Variants in ZNF235 observed in about 807,000 individuals in gnomAD.
ZNF235 encodes zinc finger protein 235, also known as zfp-93.
Under a neutral mutation model 29.4 loss-of-function variants are expected in ZNF235, and 25 were observed. That is an observed-to-expected ratio of 0.85 (90% CI 0.62 to 1.19). The LOEUF is 1.19. Ranked by LOEUF, ZNF235 falls within the 50% of genes most tolerant of loss-of-function variation. ZNF235 has a pLI of 0.00. For missense variants in ZNF235, 788 were observed against 885.0 expected (o/e 0.89, Z 1.39); for synonymous variants, 300 against 295.3 (o/e 1.02, Z -0.16).
chr19:44,289,006 C>T lies in ZNF235; in HGVS notation c.429G>A (p.Val143=), dbSNP rs1265799904. 6.2e-7 allele frequency: 1 copy of T among 1,614,124 alleles called. No homozygotes were observed. Among genetic ancestry groups the T allele is most frequent in the East Asian group, 2.2e-5 (1 of 44,876 alleles). The change falls in exon 5 of 5, where the codon GTG becomes GTA. Residue 143 remains valine (V), a synonymous_variant. Coordinates refer to ENST00000291182, the MANE Select transcript of ZNF235 (RefSeq NM_004234.4). ...FPKHHDSPCQ[V]GAGESIQASV... is the part of the protein sequence containing the mutation. Reference sequence around the variant, plus strand: ...AAGCTTGAATAGATTCTCCTGCTCCCACTTGACAGGGGGAATCATGGTGCT... The same window carrying T: ...AAGCTTGAATAGATTCTCCTGCTCCTACTTGACAGGGGGAATCATGGTGCT...
In ZNF235 at chr19:44,304,792, G is replaced by C. The variant is rs142133384; in HGVS notation, c.-49+179C>G. The C allele has an allele frequency of 1.4e-3, 1,372 of 985,452 alleles. 40 individuals carry two copies. In the Admixed American group the frequency reaches 0.053, roughly 38 times the overall value. 61.0% of individuals were successfully genotyped at this position (985,452 alleles called of 1,614,324 possible). On this transcript the variant is annotated intron_variant, in intron 1 of 4. Coordinates refer to ENST00000291182, the MANE Select transcript of ZNF235 (RefSeq NM_004234.4). ...GACCCTCAACCTCGAAGGACGACGCGAGCCCGCCTCCCACGCAAGAGGTTC... is the reference window on the plus strand; with the variant it reads ...GACCCTCAACCTCGAAGGACGACGCCAGCCCGCCTCCCACGCAAGAGGTTC...
chr19:44,300,529 C>T (rs1342432406), intron 2 of ZNF235, among the ~76,000 whole-genome samples: 5 of 151,986 alleles, frequency 3.3e-5, no homozygotes, highest in Admixed American at 2.6e-4. Context: ...TTAGCCAGCT[C>T]GTATGGTTAT....
In ZNF235 at chr19:44,302,997, TAC is replaced by T. The variant is rs563316274; in HGVS notation, c.15+391_15+392del. Among the ~76,000 whole-genome samples the T allele has an allele frequency of 1.9e-3, 247 of 133,012 alleles. 2 individuals are homozygous for T. The highest frequency in any genetic ancestry group is 1.7e-3 in the Non-Finnish European group (109 of 65,118). The allele number at this position is 133,012 out of a possible 152,430, so 87.3% of individuals were successfully genotyped here. ...ATGTATATATTTATATATAAATATA[TAC>T]ATATATACGTATATATTTATATAAA... On this transcript the variant is annotated intron_variant, in intron 2 of 4. Coordinates refer to ENST00000291182, the MANE Select transcript of ZNF235 (RefSeq NM_004234.4).
intron 2 of ZNF235, 56 bp from the exon 3 acceptor site, chr19:44,299,788 A>G: frequency 1.2e-6 from 2 of 1,611,442 alleles, no homozygotes; most frequent in Non-Finnish European, 1.7e-6. Flanking sequence ...ACTGGCACCT[A>G]AGCAACTCTT....
At chr19:44,302,783 TAA>T (rs1018450783) in intron 2 of ZNF235, among the ~76,000 whole-genome samples, 2 of 131,022 alleles carry the variant, frequency 1.5e-5, no homozygotes, top group South Asian at 2.4e-4. Context: ...TATATATATA[TAA>T]AACTATATAC....
chr19:44,292,381 T>A (rs1208658410), intron 4 of ZNF235, among the ~76,000 whole-genome samples: 1 of 151,734 alleles, frequency 6.6e-6, no homozygotes, highest in Admixed American at 6.6e-5. Flanking sequence ...GAGATAGGTA[T>A]CTTTTTTTTA....
intron 4 of ZNF235, among the ~76,000 whole-genome samples, chr19:44,292,008 G>A (rs941054495): frequency 6.6e-6 from 1 of 152,032 alleles, no homozygotes; most frequent in Non-Finnish European, 1.5e-5. Flanking sequence ...TTAACAAAAT[G>A]TGATCAAATC....
intron 4 of ZNF235, among the ~76,000 whole-genome samples, chr19:44,296,258 A>G (rs16978908): frequency 0.029 from 4,406 of 152,304 alleles, 192 homozygotes; most frequent in African/African-American, 0.1. Flanking sequence ...CAGAAAGTTG[A>G]TAACTGCTAA....
intron 2 of ZNF235, among the ~76,000 whole-genome samples, chr19:44,302,826 A>G (rs1328291961): frequency 7.0e-6 from 1 of 141,880 alleles, no homozygotes; most frequent in Non-Finnish European, 1.5e-5. Context: ...ACTTATATAT[A>G]TATAACTATA....
At chr19:44,291,892 C>T in intron 4 of ZNF235, among the ~76,000 whole-genome samples, 1 of 152,110 alleles carries the variant, frequency 6.6e-6, no homozygotes, top group Admixed American at 6.5e-5. Context: ...TACTTCTCAA[C>T]ACATTTTAGG....
In ZNF235 at chr19:44,304,625, C is replaced by A. The variant is rs1365771193; in HGVS notation, c.-49+346G>T. 4.2e-6 allele frequency: 3 copies of A among 722,234 alleles called. No homozygotes were observed. In the East Asian group the frequency reaches 3.9e-4, roughly 95 times the overall value. The allele number at this position is 722,234 out of a possible 1,614,324, so 44.7% of individuals were successfully genotyped here. A position where few individuals can be genotyped will look rare whatever the true frequency, so the allele number is the denominator to read the frequency against. ...TCTATAAAACCTCATTTAATTCTCA[C>A]AAGAACATCACTGGGAACGCACTAA... On this transcript the variant is annotated intron_variant, in intron 1 of 4. Coordinates refer to ENST00000291182, the MANE Select transcript of ZNF235 (RefSeq NM_004234.4).
rs199785876 is a variant in ZNF235 at position 44,289,077 on chromosome 19, G to C, written c.358C>G (p.Gln120Glu). 5.5e-5 allele frequency: 89 copies of C among 1,614,064 alleles called. No homozygotes were observed. The East Asian group carries it at 1.7e-3, about 31-fold the overall frequency. ...RHIASKLARS[Q>E]DSMINIEGKS... ...CCTTCAATATTTATCATGGAGTCTT[G>C]ACTTCTGGCTAATTTGCTCGCAATG... The change falls in exon 5 of 5, where the codon CAA becomes GAA. Residue 120 changes from glutamine to glutamate, a missense_variant. Transcript: ENST00000291182.
At chr19:44,299,573 C>A in intron 3 of ZNF235, 33 bp downstream of exon 3, 1 of 1,611,388 alleles carries the variant, frequency 6.2e-7, no homozygotes, top group South Asian at 1.1e-5. Flanking sequence ...GGTTGAGAAA[C>A]CCTGCTGAAT....
intron 4 of ZNF235, chr19:44,289,719 A>G (rs924107780): frequency 6.6e-6 from 1 of 152,358 alleles, no homozygotes; most frequent in African/African-American, 2.4e-5. Context: ...GTACTTAGAA[A>G]GGAAAAATTG....
chr19:44,287,590 T>C lies in ZNF235; in HGVS notation c.1845A>G (p.Gln615=). The part of the protein sequence containing the change: ...QKRFSQASHL[Q]AHQRVHTGEK... ...CTCCGGTGTGGACTCTCTGATGGGC[T>C]TGAAGGTGTGAGGCCTGACTGAATC... Residue 615 remains glutamine, a synonymous_variant, in exon 5 of 5, where the codon CAA becomes CAG. Coordinates refer to ENST00000291182, the MANE Select transcript of ZNF235 (RefSeq NM_004234.4). 1 of 1,611,778 alleles carries C rather than the reference T, an allele frequency of 6.2e-7. No homozygotes were observed. The highest frequency in any genetic ancestry group is 1.7e-4 in the Middle Eastern group (1 of 6,042).
chr19:44,303,310 G>A, intron 2 of ZNF235, 80 bp downstream of exon 2: 1 of 1,514,852 alleles, frequency 6.6e-7, no homozygotes. Flanking sequence ...CCCTTTTACT[G>A]TTCCCAAACA....
chr19:44,295,771 C>T (rs1240663355), intron 4 of ZNF235, among the ~76,000 whole-genome samples: 1 of 151,962 alleles, frequency 6.6e-6, no homozygotes, highest in African/African-American at 2.4e-5. Flanking sequence ...GAAAAGAGAA[C>T]CCAGAAATAA....
intron 1 of ZNF235, 38 bp from the exon 2 acceptor site, chr19:44,303,490 T>C (rs1367853627): frequency 6.4e-7 from 1 of 1,565,806 alleles, no homozygotes; most frequent in Non-Finnish European, 8.7e-7. Flanking sequence ...AGGTTAGGGA[T>C]GGCATTAGTC....
At chr19:44,302,430 T>A (rs917796446) in intron 2 of ZNF235, among the ~76,000 whole-genome samples, 1 of 152,154 alleles carries the variant, frequency 6.6e-6, no homozygotes. Flanking sequence ...TGATTATATA[T>A]GTTGAGTGCA....
Sources: gnomAD v4.1 joint callset for allele counts (sites outside exome capture counted in the v4.1 genomes callset) on GRCh38, gnomAD v4.1.1 for gene constraint, MANE v1.5 for transcripts, NCBI Gene and HGNC (gene_info 2026-07-23, HGNC 2026-07-21) for gene names.